The following MCCC2 variants were observed in gnomAD, a reference collection of about 807,000 sequenced individuals.
MCCC2 encodes methylcrotonoyl-CoA carboxylase beta chain, mitochondrial.
A neutral mutation model predicts 77.2 loss-of-function variants in MCCC2; 52 were observed. That is an observed-to-expected ratio of 0.67 (90% CI 0.54 to 0.85). The LOEUF is 0.85. MCCC2 is among the 40% of genes least tolerant of loss of function. MCCC2 has a pLI of 0.00. For synonymous variants in MCCC2, 253 were observed against 248.4 expected, an observed-to-expected ratio of 1.02 and a Z score of -0.18; for missense variants, 682 against 703.2, an observed-to-expected ratio of 0.97 and a Z score of 0.34.
rs764286389 is a variant in MCCC2, at chr5:71,604,436, C to T, written c.592C>T (p.Gln198Ter). Residue 198 changes from glutamine to a stop codon, truncating the protein, a stop_gained, in exon 6 of 17, where the codon CAG (glutamine) becomes TAG (stop). Transcript: ENST00000340941. LOFTEE classifies it high-confidence loss of function. ...CCACTTTGGCCGTACATTCTATAATCAGGCAATTATGTCTTCTAAAAATAT... is the reference window on the plus strand; with the variant it reads ...CCACTTTGGCCGTACATTCTATAATTAGGCAATTATGTCTTCTAAAAATAT... Reference protein sequence around the residue: ...RDHFGRTFYNQAIMSSKNIAQ... With the variant: ...RDHFGRTFYN 3 of 1,614,008 alleles carry T rather than the reference C, an allele frequency of 1.9e-6. No individual in the cohort carries two copies. The highest frequency in any genetic ancestry group is 4.5e-5 in the East Asian group (2 of 44,894).
At chr5:71,588,536 T>G (rs1005365832) in intron 1 of MCCC2, among the ~76,000 whole-genome samples, 2 of 152,222 alleles carry the variant, frequency 1.3e-5, no homozygotes, top group Admixed American at 6.5e-5. Context: ...GGCACTATTT[T>G]AGATATTTGG....
chr5:71,593,129 C>G (rs1715686513), intron 2 of MCCC2, 137 bp downstream of exon 2: 1 of 754,760 alleles, frequency 1.3e-6, no homozygotes, highest in Admixed American at 2.4e-5. Context: ...GCTCTCTTGC[C>G]CAGGCTGGAG....
In MCCC2 at chr5:71,635,190, G is replaced by A; in HGVS notation, c.943G>A (p.Asp315Asn). ...TTCTGAAGAGCCTTTATTTCCTGCT[G>A]ATGAATTGTATGGAATAGTTGGTGC... ...EPSEEPLFPA[D>N]ELYGIVGANL... The change falls in exon 10 of 17, where the codon GAT (aspartate) becomes AAT (asparagine). Residue 315 changes from aspartate (D) to asparagine (N), a missense_variant. By Grantham distance (23) the Asp-to-Asn change is conservative (BLOSUM62 1). Coordinates refer to ENST00000340941, the MANE Select transcript of MCCC2 (RefSeq NM_022132.5). The A allele has an allele frequency of 1.2e-6, 2 of 1,614,178 alleles. No individual in the cohort carries two copies. The highest frequency in any genetic ancestry group is 2.2e-5 in the East Asian group (1 of 44,868).
intron 16 of MCCC2, among the ~76,000 whole-genome samples, chr5:71,655,354 C>A (rs1484066071): frequency 6.6e-6 from 1 of 152,222 alleles, no homozygotes; most frequent in Non-Finnish European, 1.5e-5. Context: ...CTGAAACCTA[C>A]AATGTTTTCC....
At chr5:71,640,669 AC>A (rs1460901070) in intron 10 of MCCC2, among the ~76,000 whole-genome samples, 2 of 152,052 alleles carry the variant, frequency 1.3e-5, no homozygotes, top group Admixed American at 1.3e-4. Flanking sequence ...CCCTGTCTCT[AC>A]CCAGCTTTCT....
rs897730784 is a variant in MCCC2 at position 71,645,133 on chromosome 5, A to G, written c.1150-1078A>G. Among the ~76,000 whole-genome samples the G allele has an allele frequency of 3.9e-5, 6 of 152,192 alleles. 1 individual carries two copies. The highest frequency in any genetic ancestry group is 3.8e-4 in the East Asian group (2 of 5,198). On this transcript the variant is annotated intron_variant, in intron 12 of 16. Transcript: ENST00000340941. The stretch of plus-strand genomic sequence containing the variant: ...TAGAGGAAATGTCAGAGTGAGTCCA[A>G]ACAAACTCTGCCTGGCTTTATTTGT...
At chr5:71,618,474 T>TTTCC (rs1160752367) in intron 6 of MCCC2, among the ~76,000 whole-genome samples, 2 of 147,322 alleles carry the variant, frequency 1.4e-5, no homozygotes, top group African/African-American at 4.9e-5. Flanking sequence ...TCTTTCTTTC[T>TTTCC]TTCCTTCTTT....
At chr5:71,589,353 G>C (rs1400254285) in intron 1 of MCCC2, among the ~76,000 whole-genome samples, 1 of 152,180 alleles carries the variant, frequency 6.6e-6, no homozygotes, top group African/African-American at 2.4e-5. Context: ...ACTTGATTTT[G>C]TTTTGTTTCT....
chr5:71,606,552 T>A (rs1398151515), intron 6 of MCCC2, among the ~76,000 whole-genome samples: 1 of 116,870 alleles, frequency 8.6e-6, no homozygotes, highest in Non-Finnish European at 1.7e-5. Flanking sequence ...CTTTTCCTAA[T>A]TGAATACCCT....
chr5:71,627,812 A>G (rs978907812), intron 7 of MCCC2, among the ~76,000 whole-genome samples: 3 of 149,372 alleles, frequency 2.0e-5, no homozygotes, highest in Admixed American at 6.7e-5. Context: ...CCTAGTGACT[A>G]GTGATGTTGA....
intron 6 of MCCC2, among the ~76,000 whole-genome samples, chr5:71,622,125 T>G (rs1333887943): frequency 6.6e-6 from 1 of 152,158 alleles, no homozygotes; most frequent in Non-Finnish European, 1.5e-5. Context: ...TTACATCCTT[T>G]CAGTGTCCTC....
In MCCC2 at chr5:71,644,631, T is replaced by G. The variant is rs553209954; in HGVS notation, c.1149+736T>G. ...TTGATAAAAATGTCTTTTAAAAAAA[T>G]TTTAATTCACCAAACTACTTCAGGA... is the stretch of plus-strand genomic sequence containing the variant. On this transcript the variant is annotated intron_variant, in intron 12 of 16. Transcript: ENST00000340941. 7.2e-5 allele frequency among the ~76,000 whole-genome samples: 11 copies of G among 152,244 alleles called. No individual in the cohort carries two copies. The South Asian group carries it at 2.3e-3, about 32-fold the overall frequency.
In MCCC2 at chr5:71,587,367, A is replaced by G. The variant is rs1580261835; in HGVS notation, c.-59A>G. ...CTTCCGCCCCAGCCAGGGAAGCGGCAGGGGAAAGCACCGGCTCCAGGCCAG... is the reference window on the plus strand; with the variant it reads ...CTTCCGCCCCAGCCAGGGAAGCGGCGGGGGAAAGCACCGGCTCCAGGCCAG... On this transcript the variant is annotated 5_prime_UTR_variant, in exon 1 of 17. Coordinates refer to ENST00000340941, the MANE Select transcript of MCCC2 (RefSeq NM_022132.5). 13 of 1,520,298 alleles carry G rather than the reference A, an allele frequency of 8.6e-6. No individual in the cohort carries two copies. The highest frequency in any genetic ancestry group is 1.1e-5 in the Non-Finnish European group (13 of 1,139,924). The allele number at this position is 1,520,298 out of a possible 1,614,324, so 94.2% of individuals were successfully genotyped here.
rs1746738754 is a variant in MCCC2 at position 71,632,137 on chromosome 5, G to A, written c.755G>A (p.Gly252Glu). The A allele has an allele frequency of 1.2e-6, 2 of 1,614,052 alleles. No individual in the cohort carries two copies. The highest frequency in any genetic ancestry group is 1.3e-5 in the African/African-American group (1 of 74,916). The change falls in exon 8 of 17, where the codon GGG (glycine) becomes GAG (glutamate). Residue 252 changes from glycine (G) to glutamate (E), a missense_variant. Physicochemically the swap from Gly to Glu is moderately conservative, Grantham distance 98. Coordinates refer to ENST00000340941, the MANE Select transcript of MCCC2 (RefSeq NM_022132.5). ...AGPPLVKAAT[G>E]EEVSAEDLGG... is the part of the protein sequence containing the mutation. ...TTGTTGTAGGTTAAAGCGGCAACTGGGGAAGAAGTATCTGCTGAGGATCTT... is the reference window on the plus strand; with the variant it reads ...TTGTTGTAGGTTAAAGCGGCAACTGAGGAAGAAGTATCTGCTGAGGATCTT...
At chr5:71,644,277 T>C (rs1409389244) in intron 12 of MCCC2, among the ~76,000 whole-genome samples, 2 of 152,174 alleles carry the variant, frequency 1.3e-5, no homozygotes, top group African/African-American at 2.4e-5. Context: ...CTGAAAGTGC[T>C]TCATGTCCTG....
rs552509320 is a variant in MCCC2 at position 71,622,882 on chromosome 5, G to A, written c.625-3758G>A. Among the ~76,000 whole-genome samples the A allele has an allele frequency of 2.0e-3, 311 of 152,306 alleles. 2 individuals carry two copies. Among genetic ancestry groups the A allele is most frequent in the African/African-American group, 7.2e-3 (300 of 41,564 alleles). On this transcript the variant is annotated intron_variant, in intron 6 of 16. Transcript: ENST00000340941. ...AGCACTTTGGGAGGCGGAGGCGGGC[G>A]GATCATGAGGTCAGGAGATCGAGAC...
In MCCC2 at chr5:71,657,140, G is replaced by A. The variant is rs901695170; in HGVS notation, c.*280G>A. On this transcript the variant is annotated 3_prime_UTR_variant, in exon 17 of 17. Coordinates refer to ENST00000340941, the MANE Select transcript of MCCC2 (RefSeq NM_022132.5). ...CTTTCTGACCCACAAAGTATGAAAAGTTCTGTAATCTGTAAACTCAGTTCT... is the reference window on the plus strand; with the variant it reads ...CTTTCTGACCCACAAAGTATGAAAAATTCTGTAATCTGTAAACTCAGTTCT... 1.6e-4 allele frequency: 62 copies of A among 383,900 alleles called. No homozygotes were observed. The highest frequency in any genetic ancestry group is 1.2e-3 in the African/African-American group (58 of 48,552). The allele number at this position is 383,900 out of a possible 1,614,324, so 23.8% of individuals were successfully genotyped here. A position where few individuals can be genotyped will look rare whatever the true frequency, so the allele number is the denominator to read the frequency against.
chr5:71,609,387 C>G lies in MCCC2; in HGVS notation c.624+4919C>G, dbSNP rs564299309. Reference sequence around the variant, plus strand: ...GCTCCTGAGGCTTCTGCATTCTTCACGTAGTTCTCGAGCCTTGGTTTTCAG... The same window carrying G: ...GCTCCTGAGGCTTCTGCATTCTTCAGGTAGTTCTCGAGCCTTGGTTTTCAG... On this transcript the variant is annotated intron_variant, in intron 6 of 16. Coordinates refer to ENST00000340941, the MANE Select transcript of MCCC2 (RefSeq NM_022132.5). Among the ~76,000 whole-genome samples, 53 of 151,998 alleles carry G rather than the reference C, an allele frequency of 3.5e-4. 1 individual carries two copies. Among genetic ancestry groups the G allele is most frequent in the African/African-American group, 1.2e-3 (48 of 41,470 alleles).
intron 6 of MCCC2, among the ~76,000 whole-genome samples, chr5:71,611,793 CTTTT>C (rs561604734): frequency 7.1e-6 from 1 of 141,556 alleles, no homozygotes. Context: ...CTTTTTTTTT[CTTTT>C]TTTTTTTTTG....
Sources: gnomAD v4.1 joint callset for allele counts (sites outside exome capture counted in the v4.1 genomes callset) on GRCh38, gnomAD v4.1.1 for gene constraint, MANE v1.5 for transcripts, NCBI Gene and HGNC (gene_info 2026-07-23, HGNC 2026-07-21) for gene names.